OSBPL2: variants seen among roughly 807,000 people sequenced by gnomAD.
The protein encoded by OSBPL2 is oxysterol binding protein like 2.
In OSBPL2, 18 loss-of-function variants were observed where a neutral mutation model predicts 58.4. The observed-to-expected ratio is 0.31, with a 90% confidence interval of 0.21 to 0.46. The LOEUF is 0.46. Ranked by LOEUF, OSBPL2 falls within the 20% of genes least tolerant of loss-of-function variation. The pLI is 1.00. For missense variants in OSBPL2, 461 were observed against 616.5 expected (o/e 0.75, Z 2.67); for synonymous variants, 221 against 234.1 (o/e 0.94, Z 0.51).
chr20:62,267,672 T>C (rs749704464), intron 4 of OSBPL2, among the ~76,000 whole-genome samples: 2 of 152,160 alleles, frequency 1.3e-5, no homozygotes, highest in Non-Finnish European at 2.9e-5. Context: ...CTGCGTCTCT[T>C]TTCTCCCTCA....
intron 9 of OSBPL2, among the ~76,000 whole-genome samples, chr20:62,283,159 A>G (rs1982898869): frequency 6.6e-6 from 1 of 151,860 alleles, no homozygotes; most frequent in African/African-American, 2.4e-5. Context: ...CCGGGCAGGG[A>G]CCCCGAGGCC....
chr20:62,280,593 T>G (rs572192489), intron 7 of OSBPL2, among the ~76,000 whole-genome samples: 1 of 152,168 alleles, frequency 6.6e-6, no homozygotes, highest in Non-Finnish European at 1.5e-5. Context: ...GTGGGGTGTT[T>G]TCTTCTTGGG....
At chr20:62,287,054 G>T (rs1043685608) in intron 11 of OSBPL2, among the ~76,000 whole-genome samples, 2 of 152,262 alleles carry the variant, frequency 1.3e-5, no homozygotes, top group Admixed American at 1.3e-4. Flanking sequence ...TCAGACAGAC[G>T]TGGCCATTGC....
intron 4 of OSBPL2, among the ~76,000 whole-genome samples, chr20:62,265,659 T>C (rs1244824006): frequency 6.6e-6 from 1 of 152,250 alleles, no homozygotes; most frequent in Non-Finnish European, 1.5e-5. Context: ...TTTCTGTATA[T>C]ATCTGTATGT....
At position 62,280,789 on chromosome 20, in the gene OSBPL2, A is replaced by G. The variant is rs73144925; in HGVS notation, c.675-269A>G. On this transcript the variant is annotated intron_variant, in intron 7 of 13. Transcript: ENST00000313733. ...CTTTTGACGACTTCACAGGAAAGCC[A>G]TTTGTCTTTGTTCAGTCTTCTTTGA... Among the ~76,000 whole-genome samples, 138 of 152,304 alleles carry G rather than the reference A, an allele frequency of 9.1e-4. 1 individual carries two copies. In the South Asian group the frequency reaches 0.016, roughly 18 times the overall value.
chr20:62,274,242 T>C (rs1982245771), intron 6 of OSBPL2, among the ~76,000 whole-genome samples: 1 of 152,172 alleles, frequency 6.6e-6, no homozygotes, highest in African/African-American at 2.4e-5. Context: ...CAGGTGACAG[T>C]GCCCACCCAC....
intron 4 of OSBPL2, among the ~76,000 whole-genome samples, chr20:62,270,639 G>A (rs111174519): frequency 0.25 from 4,230 of 17,238 alleles, 1,099 homozygotes; most frequent in East Asian, 0.51. Context: ...GACCTCTCTG[G>A]GTCCTCTCCT....
chr20:62,246,459 G>A (rs1980121807), intron 1 of OSBPL2, among the ~76,000 whole-genome samples: 1 of 152,252 alleles, frequency 6.6e-6, no homozygotes, highest in South Asian at 2.1e-4. Context: ...TTGTTTTTTT[G>A]CAAAAGAAAC....
Position 62,244,376 on chromosome 20 carries a change from G to C in OSBPL2, c.-129+5779G>C, listed in dbSNP as rs1028494831. ...ATCATCAGAGATACACAGCGGCGGC[G>C]GGTCGGGGGCTGGCTGGACTGCTGC... On this transcript the variant is annotated intron_variant, in intron 1 of 13. Coordinates refer to ENST00000313733, the MANE Select transcript of OSBPL2 (RefSeq NM_144498.4). Among the ~76,000 whole-genome samples, 23 of 152,370 alleles carry C rather than the reference G, an allele frequency of 1.5e-4. No individual in the cohort carries two copies. In the East Asian group the frequency reaches 4.4e-3, roughly 29 times the overall value.
At chr20:62,261,628 C>T (rs1306079513) in intron 3 of OSBPL2, among the ~76,000 whole-genome samples, 4 of 152,190 alleles carry the variant, frequency 2.6e-5, no homozygotes, top group Non-Finnish European at 4.4e-5. Context: ...ACTCTGTGGT[C>T]GCTTTAAATG....
chr20:62,249,745 T>C (rs1265524660), intron 1 of OSBPL2, among the ~76,000 whole-genome samples: 4 of 151,976 alleles, frequency 2.6e-5, no homozygotes, highest in Admixed American at 2.6e-4. Context: ...TGGCTAATTT[T>C]GTATTTTTAG....
Position 62,263,685 on chromosome 20 carries a change from T to G in OSBPL2, c.252T>G (p.Val84=). 6.2e-7 allele frequency: 1 copy of G among 1,614,052 alleles called. No individual in the cohort carries two copies. Among genetic ancestry groups the G allele is most frequent in the East Asian group, 2.2e-5 (1 of 44,882 alleles). Residue 84 remains valine, a synonymous_variant, in exon 4 of 14, where the codon GTT becomes GTG. Transcript: ENST00000313733. ...FSVWTILKKC[V]GLELSKITMP... The stretch of plus-strand genomic sequence containing the variant: ...TGTGGACCATCCTGAAGAAGTGTGT[T>G]GGCCTGGTGAGTCCGGGGGCCCGTG...
At position 62,262,922 on chromosome 20, in the gene OSBPL2, C is replaced by T. The variant is rs1981412369; in HGVS notation, c.183-694C>T. On this transcript the variant is annotated intron_variant, in intron 3 of 13. Coordinates refer to ENST00000313733, the MANE Select transcript of OSBPL2 (RefSeq NM_144498.4). Reference sequence around the variant, plus strand: ...TTCTTTGCACCCTGCTCTGTGGTGTCCTGTGTGGGTCTGGCACGCCTCTCC... The same window carrying T: ...TTCTTTGCACCCTGCTCTGTGGTGTTCTGTGTGGGTCTGGCACGCCTCTCC... 2.0e-5 allele frequency among the ~76,000 whole-genome samples: 3 copies of T among 152,288 alleles called. No homozygotes were observed. The South Asian group carries it at 6.2e-4, about 32-fold the overall frequency.
chr20:62,251,037 ATTTTTTTTT>A (rs35328509), intron 1 of OSBPL2, among the ~76,000 whole-genome samples: 2 of 97,810 alleles, frequency 2.0e-5, no homozygotes, highest in African/African-American at 8.0e-5. Context: ...AGAGCAATAG[ATTTTTTTTT>A]TTTTTTTTTT....
intron 5 of OSBPL2, 147 bp downstream of exon 5, chr20:62,272,406 C>T: frequency 3.5e-6 from 3 of 869,258 alleles, no homozygotes; most frequent in Non-Finnish European, 3.4e-6. Flanking sequence ...GCGGTCGTGG[C>T]ATTTGTCCTG....
chr20:62,291,515 C>A, intron 12 of OSBPL2, 188 bp from the exon 13 acceptor site: 2 of 637,418 alleles, frequency 3.1e-6, no homozygotes, highest in Non-Finnish European at 5.7e-6. Flanking sequence ...TGGGAAGGGC[C>A]CTGTTGGCGT....
chr20:62,271,802 G>T, intron 4 of OSBPL2: 1 of 284,902 alleles, frequency 3.5e-6, no homozygotes, highest in South Asian at 5.5e-5. Context: ...GTAGGGGAGG[G>T]GGCGCAGGTG....
chr20:62,279,940 G>A (rs749174793), intron 7 of OSBPL2: 50 of 1,302,706 alleles, frequency 3.8e-5, no homozygotes, highest in Non-Finnish European at 5.1e-5. Flanking sequence ...GAAACAGCGT[G>A]GGAGGGGACC....
intron 1 of OSBPL2, among the ~76,000 whole-genome samples, chr20:62,248,303 C>T (rs7267794): frequency 0.01 from 1,572 of 151,786 alleles, 23 homozygotes; most frequent in African/African-American, 0.036. Context: ...TAAAAGTGCA[C>T]GCCACCATGC....
Sources: gnomAD v4.1 joint callset for allele counts (sites outside exome capture counted in the v4.1 genomes callset) on GRCh38, gnomAD v4.1.1 for gene constraint, MANE v1.5 for transcripts, NCBI Gene and HGNC (gene_info 2026-07-23, HGNC 2026-07-21) for gene names.